WNK1: variants seen among roughly 807,000 people sequenced by gnomAD.
WNK1 encodes WNK lysine deficient protein kinase 1, also known as serine/threonine-protein kinase WNK1.
A neutral mutation model predicts 222.8 loss-of-function variants in WNK1; 38 were observed. The observed-to-expected ratio is 0.17, with a 90% confidence interval of 0.13 to 0.22. The LOEUF (loss-of-function observed/expected upper bound fraction) is 0.22, where lower values mean the gene tolerates loss of function less well. Among genes scored for constraint, WNK1 ranks in the 10% least tolerant of loss-of-function variants. The probability of loss-of-function intolerance (pLI) is 1.00; values close to 1 mark genes in which losing one functional copy is unlikely to be tolerated. For synonymous variants in WNK1, 1,090 were observed against 1,092.9 expected, an observed-to-expected ratio of 1.00 and a Z score of 0.05; for missense variants, 2,348 against 2,918.4, an observed-to-expected ratio of 0.80 and a Z score of 4.50.
In WNK1 at chr12:887,088, C is replaced by T. The variant is rs74056059; in HGVS notation, c.5281-133C>T. On this transcript the variant is annotated intron_variant, in intron 19 of 27. Transcript: ENST00000315939. ...TAAGACAGATACCAGAGAGTAACCT[C>T]AGTGATAAACATGTCTTAACTATAT... 10 of 830,694 alleles carry T rather than the reference C, an allele frequency of 1.2e-5. No individual in the cohort carries two copies. In the African/African-American group the frequency reaches 1.5e-4, roughly 13 times the overall value. 51.5% of individuals were successfully genotyped at this position (830,694 alleles called of 1,614,324 possible).
chr12:754,096 G>T lies in WNK1; in HGVS notation c.531G>T (p.Glu177Asp). ...CTAGCCTTGTGGGGAGCAAAGAGGA[G>T]CCGCCGCCGGCGAGAAGTGGCAGCG... is the stretch of plus-strand genomic sequence containing the variant. ...SQPSLVGSKEEPPPARSGSGG... is the reference protein window; with the variant it reads ...SQPSLVGSKEDPPPARSGSGG... Residue 177 changes from glutamate (E) to aspartate (D), a missense_variant, in exon 1 of 28, where the codon GAG (glutamate) becomes GAT (aspartate). Physicochemically the swap from Glu to Asp is conservative, Grantham distance 45. Coordinates refer to ENST00000315939, the MANE Select transcript of WNK1 (RefSeq NM_018979.4). 6.2e-7 allele frequency: 1 copy of T among 1,611,010 alleles called. No homozygotes were observed. The highest frequency in any genetic ancestry group is 1.1e-5 in the South Asian group (1 of 90,986).
At chr12:802,154 T>C (rs1945942470) in intron 1 of WNK1, among the ~76,000 whole-genome samples, 2 of 152,228 alleles carry the variant, frequency 1.3e-5, no homozygotes, top group East Asian at 1.9e-4. Context: ...AAATAGTAGA[T>C]ATTTTAGGTT....
At chr12:794,517 T>TTA (rs1375473328) in intron 1 of WNK1, among the ~76,000 whole-genome samples, 1 of 152,002 alleles carries the variant, frequency 6.6e-6, no homozygotes, top group Non-Finnish European at 1.5e-5. Context: ...TTTTTTTTTT[T>TTA]AAATGAAAGG....
intron 6 of WNK1, among the ~76,000 whole-genome samples, chr12:860,432 C>G (rs1951116442): frequency 6.6e-6 from 1 of 152,204 alleles, no homozygotes; most frequent in Non-Finnish European, 1.5e-5. Context: ...CTCAGAATAT[C>G]TCTACTCGGA....
At chr12:869,111 G>A (rs1178670691) in intron 8 of WNK1, 4 of 1,613,950 alleles carry the variant, frequency 2.5e-6, no homozygotes, top group East Asian at 2.2e-5. Context: ...ACAGGTTATA[G>A]GAAAACTTCC....
At chr12:908,226 C>T in intron 27 of WNK1, 192 bp downstream of exon 27, 2 of 838,582 alleles carry the variant, frequency 2.4e-6, no homozygotes, top group Non-Finnish European at 3.7e-6. Flanking sequence ...TGTTGGTCAG[C>T]TCAACTTTTT....
At position 880,969 on chromosome 12, in the gene WNK1, C is replaced by A. The variant is rs150212942; in HGVS notation, c.3081C>A (p.Pro1027=). 7 of 1,614,144 alleles carry A rather than the reference C, an allele frequency of 4.3e-6. No homozygotes were observed. Among genetic ancestry groups the A allele is most frequent in the Non-Finnish European group, 5.9e-6 (7 of 1,180,034 alleles). The part of the protein sequence containing the change: ...SQPGGSLAQA[P]TTSSQQAVLE... ...CAGGAGGGAGTTTAGCACAAGCCCC[C>A]ACTACATCCTCCCAGCAAGCAGTTT... The change falls in exon 12 of 28, where the codon CCC becomes CCA. Residue 1027 remains proline, a synonymous_variant. Transcript: ENST00000315939.
intron 4 of WNK1, among the ~76,000 whole-genome samples, chr12:844,515 A>G (rs554388392): frequency 1.3e-5 from 2 of 152,278 alleles, no homozygotes; most frequent in African/African-American, 2.4e-5. Context: ...GAGTAAGTCC[A>G]TTGGAACTGT....
chr12:807,778 G>C (rs887325112), intron 1 of WNK1, among the ~76,000 whole-genome samples: 7 of 138,816 alleles, frequency 5.0e-5, no homozygotes, highest in Admixed American at 2.3e-4. Context: ...GGAGTGCAGT[G>C]GCGCAATCTC....
rs140612078 is a variant in WNK1 at position 785,882 on chromosome 12, C to T, written c.760-27760C>T. ...GGCACTGAAAACTGATAAATAAATG[C>T]GGTTTGCTGATTGTGGGCCCCAGTA... On this transcript the variant is annotated intron_variant, in intron 1 of 27. Coordinates refer to ENST00000315939, the MANE Select transcript of WNK1 (RefSeq NM_018979.4). Among the ~76,000 whole-genome samples the T allele has an allele frequency of 7.9e-5, 12 of 152,128 alleles. No homozygotes were observed. The East Asian group carries it at 1.7e-3, about 22-fold the overall frequency.
In WNK1 at chr12:900,598, A is replaced by G. The variant is rs780858940; in HGVS notation, c.6571A>G (p.Ser2191Gly). The G allele has an allele frequency of 1.3e-5, 21 of 1,614,080 alleles. No homozygotes were observed. Among genetic ancestry groups the G allele is most frequent in the Non-Finnish European group, 1.8e-5 (21 of 1,180,048 alleles). The change falls in exon 26 of 28, where the codon AGT becomes GGT. Residue 2191 changes from serine to glycine, a missense_variant. Around this residue, in one of 13 missense-constraint regions of WNK1, gnomAD observed 1,144 missense variants for 1,273.6 expected, o/e 0.90. Coordinates refer to ENST00000315939, the MANE Select transcript of WNK1 (RefSeq NM_018979.4). ...LLQPLKPSPS[S>G]DNLYSAFTSD... Reference sequence around the variant, plus strand: ...ACAGCCCCTTAAGCCATCTCCCTCCAGTGACAACCTCTATTCAGCCTTCAC... The same window carrying G: ...ACAGCCCCTTAAGCCATCTCCCTCCGGTGACAACCTCTATTCAGCCTTCAC...
chr12:805,753 C>T (rs1267979016), intron 1 of WNK1, among the ~76,000 whole-genome samples: 1 of 152,084 alleles, frequency 6.6e-6, no homozygotes, highest in Non-Finnish European at 1.5e-5. Context: ...ATTAATGTGT[C>T]AAACTTATAA....
chr12:835,750 T>G (rs1161084209), intron 4 of WNK1, among the ~76,000 whole-genome samples: 1 of 152,080 alleles, frequency 6.6e-6, no homozygotes, highest in Non-Finnish European at 1.5e-5. Flanking sequence ...GTCAGGAGTT[T>G]GAGACCAGCC....
rs930230299 is a variant in WNK1, at chr12:865,133, G to T, written c.2139+2863G>T. ...AGCCTCGTCGTGGCCGTAGCATGTCGGTTTGTGTTCCCATCTTTCTGCTGT... is the reference window on the plus strand; with the variant it reads ...AGCCTCGTCGTGGCCGTAGCATGTCTGTTTGTGTTCCCATCTTTCTGCTGT... On this transcript the variant is annotated intron_variant, in intron 8 of 27. Transcript: ENST00000315939. 6 of 1,515,400 alleles carry T rather than the reference G, an allele frequency of 4.0e-6. No individual in the cohort carries two copies. In the African/African-American group the frequency reaches 8.5e-5, roughly 22 times the overall value. 93.9% of individuals were successfully genotyped at this position (1,515,400 alleles called of 1,614,324 possible).
intron 4 of WNK1, among the ~76,000 whole-genome samples, chr12:847,467 T>G (rs939706447): frequency 3.4e-4 from 52 of 152,212 alleles, no homozygotes; most frequent in Non-Finnish European, 1.2e-4. Flanking sequence ...TTGGTAGAAG[T>G]GTTCACTAAA....
At chr12:772,986 A>G (rs1369855714) in intron 1 of WNK1, among the ~76,000 whole-genome samples, 1 of 152,174 alleles carries the variant, frequency 6.6e-6, no homozygotes, top group Non-Finnish European at 1.5e-5. Context: ...GGAGCTGGGC[A>G]CGGTGGCTCA....
At chr12:804,761 T>C (rs919287030) in intron 1 of WNK1, among the ~76,000 whole-genome samples, 2 of 152,030 alleles carry the variant, frequency 1.3e-5, no homozygotes, top group Admixed American at 1.3e-4. Context: ...TTTCTGTCTC[T>C]GTGAATTTGC....
At chr12:784,019 A>C (rs1591680435) in intron 1 of WNK1, among the ~76,000 whole-genome samples, 1 of 93,432 alleles carries the variant, frequency 1.1e-5, no homozygotes, top group Non-Finnish European at 2.2e-5. Flanking sequence ...CAGGAGTTTG[A>C]GACCAGGCTA....
chr12:897,375 G>T, intron 24 of WNK1, 104 bp from the exon 25 acceptor site: 2 of 805,598 alleles, frequency 2.5e-6, no homozygotes, highest in Non-Finnish European at 4.3e-6. Flanking sequence ...AGGTTCATTA[G>T]TAACTACTAC....
Sources: allele counts gnomAD v4.1 joint callset (sites outside exome capture counted in the v4.1 genomes callset), GRCh38; gene constraint gnomAD v4.1.1; regional missense constraint gnomAD v4.1.1; transcripts MANE v1.5; gene names NCBI Gene and HGNC (gene_info 2026-07-23, HGNC 2026-07-21).